PTK2: variants seen among roughly 807,000 people sequenced by gnomAD.
PTK2 encodes focal adhesion kinase 1.
PTK2 carries 45 observed loss-of-function variants against 150.1 expected under a neutral mutation model. That is an observed-to-expected ratio of 0.30 (90% CI 0.24 to 0.38). The LOEUF is 0.38. PTK2 is among the 10% of genes least tolerant of loss of function. PTK2 has a pLI of 1.00. For synonymous variants in PTK2, 432 were observed against 449.2 expected (o/e 0.96, Z 0.48); for missense variants, 919 against 1,307.3 (o/e 0.70, Z 4.58).
chr8:140,945,210 T>C (rs557998937), intron 1 of PTK2, among the ~76,000 whole-genome samples: 17 of 152,342 alleles, frequency 1.1e-4, no homozygotes, highest in African/African-American at 3.8e-4. Context: ...TAAATCAATA[T>C]ATAAAATCAA....
At chr8:140,868,011 C>G (rs1427186194) in intron 4 of PTK2, among the ~76,000 whole-genome samples, 12 of 152,238 alleles carry the variant, frequency 7.9e-5, no homozygotes, top group Non-Finnish European at 1.5e-5. Context: ...GGATTCCCAA[C>G]AGCAGCTAAA....
intron 8 of PTK2, chr8:140,820,936 A>C (rs1303741195): frequency 6.6e-6 from 1 of 152,318 alleles, no homozygotes; most frequent in African/African-American, 2.4e-5. Context: ...ACCGTAAACT[A>C]GGAGGGCATG....
chr8:140,938,523 G>A (rs2100174516), intron 1 of PTK2, among the ~76,000 whole-genome samples: 1 of 152,158 alleles, frequency 6.6e-6, no homozygotes, highest in African/African-American at 2.4e-5. Flanking sequence ...GCTCTAGACT[G>A]ATCACCCTGG....
chr8:140,935,743 G>A (rs974299244), intron 1 of PTK2, among the ~76,000 whole-genome samples: 6 of 125,062 alleles, frequency 4.8e-5, no homozygotes, highest in Admixed American at 3.2e-4. Flanking sequence ...TCTTTGCCTC[G>A]GCTCACTGCA....
chr8:140,663,240 A>T lies in PTK2; in HGVS notation c.2946+1677T>A, dbSNP rs141190480. ...AGCAGGAAGTGATGTGTGTACACAC[A>T]TAGACAATGGAGCAAGGTGACAATG... On this transcript the variant is annotated intron_variant, in intron 31 of 31. Transcript: ENST00000522684. Among the ~76,000 whole-genome samples the T allele has an allele frequency of 2.5e-3, 328 of 128,658 alleles. 2 individuals carry two copies. Among genetic ancestry groups the T allele is most frequent in the African/African-American group, 8.3e-3 (303 of 36,380 alleles). 84.4% of individuals were successfully genotyped at this position (128,658 alleles called of 152,430 possible).
intron 1 of PTK2, among the ~76,000 whole-genome samples, chr8:140,991,626 C>T (rs1187146048): frequency 6.6e-6 from 1 of 152,154 alleles, no homozygotes; most frequent in Non-Finnish European, 1.5e-5. Context: ...CTAATTTTTG[C>T]CTCCTATGAC....
chr8:141,001,362 C>G (rs1330660528), upstream of PTK2: 2 of 150,198 alleles, frequency 1.3e-5, no homozygotes, highest in Non-Finnish European at 3.0e-5. Context: ...ACGCCCGACC[C>G]GGTCTCAGTC....
chr8:140,707,721 A>G (rs2100034614), intron 23 of PTK2, among the ~76,000 whole-genome samples: 2 of 152,166 alleles, frequency 1.3e-5, no homozygotes, highest in Non-Finnish European at 2.9e-5. Flanking sequence ...CACACTTTCA[A>G]TGGATAAATT....
chr8:140,778,115 T>G (rs975302316), intron 14 of PTK2, among the ~76,000 whole-genome samples: 9 of 152,144 alleles, frequency 5.9e-5, no homozygotes, highest in African/African-American at 2.2e-4. Flanking sequence ...CTAACAGTAG[T>G]AGAGCAGGGA....
chr8:140,774,213 C>G (rs2100077131), intron 14 of PTK2, among the ~76,000 whole-genome samples: 1 of 152,178 alleles, frequency 6.6e-6, no homozygotes, highest in African/African-American at 2.4e-5. Flanking sequence ...TTACTCCATA[C>G]TGTGAGGGAG....
Position 140,702,557 on chromosome 8 carries a change from A to T in PTK2, c.2367+13T>A. 2 of 1,612,674 alleles carry T rather than the reference A, an allele frequency of 1.2e-6. No homozygotes were observed. ...ATAAGTTAACAAACTGAAGCCCAAGACACCCGATTTACCTCCACATTGGGC... is the reference window on the plus strand; with the variant it reads ...ATAAGTTAACAAACTGAAGCCCAAGTCACCCGATTTACCTCCACATTGGGC... On this transcript the variant is annotated intron_variant, in intron 25 of 31. Transcript: ENST00000522684.
rs556874754 is a variant in PTK2, at chr8:140,681,885, T to C, written c.2562+4747A>G. On this transcript the variant is annotated intron_variant, in intron 27 of 31. Coordinates refer to ENST00000522684, the Ensembl canonical transcript of PTK2. ...TATTTATGCTGGAGGTTGCAAATTT[T>C]TTGGTGTGGAAAAATCAGACACTGG... is the stretch of plus-strand genomic sequence containing the variant. Among the ~76,000 whole-genome samples the C allele has an allele frequency of 3.9e-5, 6 of 152,340 alleles. No homozygotes were observed. The East Asian group carries it at 9.6e-4, about 24-fold the overall frequency.
At chr8:140,928,111 T>C (rs1337855001) in intron 1 of PTK2, among the ~76,000 whole-genome samples, 2 of 151,232 alleles carry the variant, frequency 1.3e-5, no homozygotes, top group African/African-American at 4.9e-5. Flanking sequence ...TACATAGTAG[T>C]TGGCCTTTTT....
Position 140,935,803 on chromosome 8 carries a change from T to TG in PTK2, c.-121-10055dup, listed in dbSNP as rs574069794. On this transcript the variant is annotated intron_variant, in intron 1 of 31. Coordinates refer to ENST00000522684, the Ensembl canonical transcript of PTK2. ...CTCCTGCCTCAGGCTCCTGAGTAGC[T>TG]GGGACTACAGGCATCCGCCACCACA... 2.1e-3 allele frequency among the ~76,000 whole-genome samples: 313 copies of TG among 148,188 alleles called. 3 individuals carry two copies. Among genetic ancestry groups the TG allele is most frequent in the African/African-American group, 7.5e-3 (303 of 40,454 alleles).
chr8:140,881,994 C>T (rs779233252), intron 3 of PTK2, among the ~76,000 whole-genome samples: 9 of 152,158 alleles, frequency 5.9e-5, no homozygotes, highest in Non-Finnish European at 1.2e-4. Flanking sequence ...ACCTCATGAG[C>T]AAACCAGCTT....
At chr8:140,850,513 C>A (rs2100128567) in intron 5 of PTK2, among the ~76,000 whole-genome samples, 2 of 148,120 alleles carry the variant, frequency 1.4e-5, no homozygotes, top group Admixed American at 1.4e-4. Flanking sequence ...ATCACGAGGT[C>A]AGGATATCGA....
At chr8:140,974,944 G>A (rs190658187) in intron 1 of PTK2, among the ~76,000 whole-genome samples, 4 of 152,198 alleles carry the variant, frequency 2.6e-5, no homozygotes, top group African/African-American at 4.8e-5. Flanking sequence ...CTGGAATTAC[G>A]CTGGATTCCT....
chr8:140,718,982 C>G (rs1254775689), intron 22 of PTK2, among the ~76,000 whole-genome samples: 3 of 152,080 alleles, frequency 2.0e-5, no homozygotes, highest in Non-Finnish European at 2.9e-5. Flanking sequence ...TCAAGACCAG[C>G]CTGGCCAACA....
rs566053346 is a variant in PTK2, at chr8:140,887,901, A to G, written c.195+2642T>C. 2.0e-5 allele frequency among the ~76,000 whole-genome samples: 3 copies of G among 152,298 alleles called. No individual in the cohort carries two copies. In the South Asian group the frequency reaches 6.2e-4, roughly 32 times the overall value. On this transcript the variant is annotated intron_variant, in intron 3 of 31. Transcript: ENST00000522684. ...GACTAGCCACATTCAAGTGCTCAAC[A>G]ACTGCACATGGCTACGATAATGGGC...
Sources: allele counts gnomAD v4.1 joint callset (sites outside exome capture counted in the v4.1 genomes callset), GRCh38; gene constraint gnomAD v4.1.1; transcripts MANE v1.5; gene names NCBI Gene and HGNC (gene_info 2026-07-23, HGNC 2026-07-21).